Variants in CSMD3 observed in about 807,000 individuals in gnomAD.
The protein encoded by CSMD3 is CUB and Sushi multiple domains 3, also known as CUB and sushi domain-containing protein 3.
In CSMD3, 177 loss-of-function variants were observed where a neutral mutation model predicts 435.2. The ratio of observed to expected loss-of-function variants is 0.41; its 90% CI spans 0.36 to 0.46. The LOEUF is 0.46. Ranked by LOEUF, CSMD3 falls within the 20% of genes least tolerant of loss-of-function variation. The probability of loss-of-function intolerance (pLI) is 0.34; values close to 1 mark genes in which losing one functional copy is unlikely to be tolerated. For missense variants in CSMD3, 4,265 were observed against 4,504.6 expected, an observed-to-expected ratio of 0.95 and a Z score of 1.52; for synonymous variants, 1,656 against 1,520.5, an observed-to-expected ratio of 1.09 and a Z score of -2.07.
chr8:112,422,323 T>C (rs1297430559), intron 32 of CSMD3, among the ~76,000 whole-genome samples: 3 of 152,214 alleles, frequency 2.0e-5, no homozygotes, highest in Non-Finnish European at 4.4e-5. Flanking sequence ...ATTTCTATTA[T>C]CTTAAAAATA....
At chr8:113,278,145 A>G (rs1201822148) in intron 3 of CSMD3, among the ~76,000 whole-genome samples, 1 of 151,892 alleles carries the variant, frequency 6.6e-6, no homozygotes, top group African/African-American at 2.4e-5. Context: ...TTAAGGGATT[A>G]TTGATCTTAT....
At chr8:112,871,511 A>T (rs866032844) in intron 10 of CSMD3, among the ~76,000 whole-genome samples, 77 of 152,244 alleles carry the variant, frequency 5.1e-4, no homozygotes, top group African/African-American at 1.9e-3. Context: ...AAAATAGGAA[A>T]AGTGAGAAGA....
chr8:112,954,721 C>G lies in CSMD3; in HGVS notation c.1383G>C (p.Leu461Phe). Reference sequence around the variant, plus strand: ...TGTTGCTGTTGTCTTTCCCTGGAAACAATTTAAATCCTCTAGATTTAAAAT... The same window carrying G: ...TGTTGCTGTTGTCTTTCCCTGGAAAGAATTTAAATCCTCTAGATTTAAAAT... The part of the protein sequence containing the change: ...AIDFKSRGFK[L>F]FPGKDNSNKF... The change falls in exon 8 of 71, where the codon TTG becomes TTC. Residue 461 changes from leucine to phenylalanine, a missense_variant. Physicochemically the swap from Leu to Phe is conservative, Grantham distance 22. Around this residue, in one of 3 missense-constraint regions of CSMD3, gnomAD observed 731 missense variants for 755.4 expected, o/e 0.97. Coordinates refer to ENST00000297405, the MANE Select transcript of CSMD3 (RefSeq NM_198123.2). 2 of 1,602,152 alleles carry G rather than the reference C, an allele frequency of 1.2e-6. No homozygotes were observed. The highest frequency in any genetic ancestry group is 1.7e-6 in the Non-Finnish European group (2 of 1,170,398).
At chr8:112,793,004 G>T (rs999573126) in intron 13 of CSMD3, among the ~76,000 whole-genome samples, 1 of 151,364 alleles carries the variant, frequency 6.6e-6, no homozygotes, top group Non-Finnish European at 1.5e-5. Flanking sequence ...AATCATATAA[G>T]GACAAAGGAA....
Position 112,884,675 on chromosome 8 carries a change from CT to C in CSMD3, c.1634-25410del, listed in dbSNP as rs943270580. Among the ~76,000 whole-genome samples the C allele has an allele frequency of 2.9e-3, 424 of 145,764 alleles. 1 individual carries two copies. The highest frequency in any genetic ancestry group is 0.011 in the Middle Eastern group (3 of 270). ...AAGAGCCACTAATTTAGGGGGACAT[CT>C]TTTTTTTTTTCCACCTAATCTCTTT... On this transcript the variant is annotated intron_variant, in intron 10 of 70. Transcript: ENST00000297405.
chr8:112,898,683 T>C (rs1055712737), intron 10 of CSMD3, among the ~76,000 whole-genome samples: 1 of 151,330 alleles, frequency 6.6e-6, no homozygotes, highest in Non-Finnish European at 1.5e-5. Context: ...TGCATGTATA[T>C]ACATATATGT....
intron 53 of CSMD3, 135 bp downstream of exon 53, chr8:112,301,658 A>G (rs1167261329): frequency 1.5e-6 from 1 of 683,950 alleles, no homozygotes; most frequent in African/African-American, 1.8e-5. Flanking sequence ...ATTTTTAAAG[A>G]TAAGTATTTT....
chr8:112,268,075 T>C (rs1252004874), intron 59 of CSMD3, among the ~76,000 whole-genome samples: 1 of 152,196 alleles, frequency 6.6e-6, no homozygotes, highest in Admixed American at 6.5e-5. Context: ...ATCATTGACC[T>C]TCTTAAATAC....
intron 2 of CSMD3, among the ~76,000 whole-genome samples, chr8:113,300,172 A>AAAC (rs1554602378): frequency 1.4e-5 from 2 of 146,274 alleles, no homozygotes; most frequent in African/African-American, 5.4e-5. Flanking sequence ...CAAAAAAAAA[A>AAAC]AAAAAACAAC....
At chr8:113,012,899 T>C (rs2086308344) in intron 6 of CSMD3, among the ~76,000 whole-genome samples, 1 of 151,986 alleles carries the variant, frequency 6.6e-6, no homozygotes, top group Non-Finnish European at 1.5e-5. Flanking sequence ...ATACAACTCA[T>C]ATTGAGAGTT....
intron 7 of CSMD3, among the ~76,000 whole-genome samples, chr8:112,967,909 A>G (rs1033870334): frequency 6.6e-6 from 1 of 151,914 alleles, no homozygotes; most frequent in Non-Finnish European, 1.5e-5. Flanking sequence ...AAAACAAAGA[A>G]AAAATGAAAA....
chr8:112,453,263 C>T (rs1270563150), intron 32 of CSMD3, among the ~76,000 whole-genome samples: 2 of 152,030 alleles, frequency 1.3e-5, no homozygotes, highest in Non-Finnish European at 2.9e-5. Context: ...AAGTCCCAGT[C>T]AGAGCAATCA....
intron 38 of CSMD3, among the ~76,000 whole-genome samples, chr8:112,366,358 T>G (rs1827779330): frequency 6.6e-6 from 1 of 152,144 alleles, no homozygotes; most frequent in African/African-American, 2.4e-5. Context: ...AGGGTAAATT[T>G]GAAAGTTTCA....
intron 3 of CSMD3, among the ~76,000 whole-genome samples, chr8:113,212,641 A>G (rs895594316): frequency 6.6e-6 from 1 of 152,020 alleles, no homozygotes; most frequent in African/African-American, 2.4e-5. Context: ...CACAAGGACA[A>G]AAAACCAAAC....
At chr8:112,598,666 C>T (rs1263036095) in intron 22 of CSMD3, among the ~76,000 whole-genome samples, 2 of 149,496 alleles carry the variant, frequency 1.3e-5, no homozygotes, top group Non-Finnish European at 3.0e-5. Context: ...GGTACCAAAA[C>T]AGAGATATAG....
intron 11 of CSMD3, among the ~76,000 whole-genome samples, chr8:112,851,504 TGC>T (rs1189829877): frequency 1.2e-4 from 18 of 152,080 alleles, no homozygotes; most frequent in Non-Finnish European, 7.4e-5. Flanking sequence ...CGGTGGCTCA[TGC>T]CTGCGATCCC....
chr8:112,496,000 T>C (rs1361948641), intron 30 of CSMD3, among the ~76,000 whole-genome samples: 1 of 151,982 alleles, frequency 6.6e-6, no homozygotes, highest in Non-Finnish European at 1.5e-5. Flanking sequence ...CGTCTTAATT[T>C]TTTTTGTAGC....
At chr8:112,701,179 C>T (rs1187029567) in intron 13 of CSMD3, among the ~76,000 whole-genome samples, 2 of 152,054 alleles carry the variant, frequency 1.3e-5, no homozygotes, top group Non-Finnish European at 2.9e-5. Flanking sequence ...AAGTGAGTGA[C>T]GACTGGCAAA....
intron 6 of CSMD3, among the ~76,000 whole-genome samples, chr8:113,002,577 C>G (rs1009026437): frequency 6.6e-6 from 1 of 152,004 alleles, no homozygotes; most frequent in Admixed American, 6.6e-5. Flanking sequence ...GCTGAACATG[C>G]CTTCACTGTC....
Sources: allele counts gnomAD v4.1 joint callset (sites outside exome capture counted in the v4.1 genomes callset), GRCh38; gene constraint gnomAD v4.1.1; regional missense constraint gnomAD v4.1.1; transcripts MANE v1.5; gene names NCBI Gene and HGNC (gene_info 2026-07-23, HGNC 2026-07-21).